Variants in MCEE observed in about 807,000 individuals in gnomAD.
MCEE encodes methylmalonyl-CoA epimerase, mitochondrial.
In MCEE, 6 loss-of-function variants were observed where a neutral mutation model predicts 12.9. The ratio of observed to expected loss-of-function variants is 0.47; its 90% CI spans 0.26 to 0.92. The LOEUF (loss-of-function observed/expected upper bound fraction) is 0.92. Ranked by LOEUF, MCEE falls within the 40% of genes least tolerant of loss-of-function variation. The probability of loss-of-function intolerance (pLI) is 0.16; values close to 1 mark genes in which losing one functional copy is unlikely to be tolerated. For synonymous variants in MCEE, 78 were observed against 77.9 expected, an observed-to-expected ratio of 1.00 and a Z score of -0.01; for missense variants, 214 against 212.1, an observed-to-expected ratio of 1.01 and a Z score of -0.05.
At chr2:71,121,549 T>C (rs11884276) in intron 2 of MCEE, among the ~76,000 whole-genome samples, 1,953 of 152,292 alleles carry the variant, frequency 0.013, 42 homozygotes, top group African/African-American at 0.042. Flanking sequence ...CCAATACATT[T>C]GCATGTCCCC....
Position 71,130,206 on chromosome 2 carries a change from A to G in MCEE, c.14T>C (p.Leu5Pro). MARV[L>P]KAAAANAVGL... ...TACGGCATTCGCGGCTGCAGCCTTC[A>G]GCACCCGCGCCATTTTGGAAAGCAA... The change falls in exon 1 of 3, where the codon CTG becomes CCG. Residue 5 changes from leucine (L) to proline (P), a missense_variant. Leu to Pro is a moderately conservative substitution (Grantham distance 98, BLOSUM62 -3). Transcript: ENST00000244217. 6.2e-7 allele frequency: 1 copy of G among 1,607,464 alleles called. No homozygotes were observed. Among genetic ancestry groups the G allele is most frequent in the Non-Finnish European group, 8.5e-7 (1 of 1,177,908 alleles).
intron 1 of MCEE, among the ~76,000 whole-genome samples, chr2:71,126,468 C>T (rs1177901469): frequency 2.6e-5 from 4 of 151,534 alleles, no homozygotes; most frequent in East Asian, 1.9e-4. Flanking sequence ...CCTCGTGATC[C>T]GCCCACCTCG....
intron 2 of MCEE, among the ~76,000 whole-genome samples, chr2:71,120,186 T>A (rs1010882276): frequency 6.0e-5 from 9 of 150,240 alleles, no homozygotes; most frequent in Admixed American, 5.3e-4. Context: ...TTTAAATATT[T>A]TTACAAACTC....
chr2:71,120,738 ATT>A (rs56309920), intron 2 of MCEE, among the ~76,000 whole-genome samples: 42,951 of 144,832 alleles, frequency 0.3, 8,485 homozygotes, highest in East Asian at 0.66. Flanking sequence ...GTGGTTCAAC[ATT>A]TTTTTTTTTT....
chr2:71,123,296 A>G (rs533739007), intron 2 of MCEE, among the ~76,000 whole-genome samples: 15 of 152,324 alleles, frequency 9.8e-5, no homozygotes, highest in African/African-American at 3.4e-4. Context: ...GTTTGAGACC[A>G]GCCTGACCAA....
At chr2:71,126,806 G>A (rs1049882605) in intron 1 of MCEE, among the ~76,000 whole-genome samples, 10 of 151,978 alleles carry the variant, frequency 6.6e-5, no homozygotes, top group East Asian at 3.8e-4. Context: ...TAATAGAAAC[G>A]GTGTATCTTT....
In MCEE at chr2:71,116,129, G is replaced by A. The variant is rs1325629364; in HGVS notation, c.379-6007C>T. Among the ~76,000 whole-genome samples, 3 of 149,898 alleles carry A rather than the reference G, an allele frequency of 2.0e-5. 1 individual carries two copies. The highest frequency in any genetic ancestry group is 7.6e-5 in the African/African-American group (3 of 39,346). ...GGAGTCTTGCTCTGTGGCCCAGGCT[G>A]GAGTGCAGTGGTGCAATCTCAGCTC... On this transcript the variant is annotated intron_variant, in intron 2 of 2. Transcript: ENST00000244217.
At chr2:71,115,828 G>T (rs1485800107) in intron 2 of MCEE, among the ~76,000 whole-genome samples, 1 of 116,360 alleles carries the variant, frequency 8.6e-6, no homozygotes, top group African/African-American at 3.5e-5. Context: ...GTGGGGGAAA[G>T]GGGGGGATAA....
chr2:71,129,027 CCA>C (rs147137564), intron 1 of MCEE, among the ~76,000 whole-genome samples: 6,130 of 147,846 alleles, frequency 0.041, 380 homozygotes, highest in African/African-American at 0.13. Flanking sequence ...GTATATTCAA[CCA>C]CACACACACA....
At chr2:71,121,629 A>C (rs1387130796) in intron 2 of MCEE, among the ~76,000 whole-genome samples, 1 of 151,540 alleles carries the variant, frequency 6.6e-6, no homozygotes, top group Non-Finnish European at 1.5e-5. Flanking sequence ...GAACTAAATC[A>C]CATAGCTGAA....
In MCEE at chr2:71,109,822, T is replaced by G; in HGVS notation, c.*148A>C. On this transcript the variant is annotated 3_prime_UTR_variant, in exon 3 of 3. Transcript: ENST00000244217. ...ATATACATATTTATGTATTTATATA[T>G]GTATATATTTTAATCTTTCTGTAAT... 3.4e-6 allele frequency: 2 copies of G among 586,166 alleles called. No individual in the cohort carries two copies. 36.3% of individuals were successfully genotyped at this position (586,166 alleles called of 1,614,324 possible).
intron 1 of MCEE, among the ~76,000 whole-genome samples, chr2:71,128,278 G>C (rs1673281108): frequency 6.6e-6 from 1 of 152,018 alleles, no homozygotes; most frequent in African/African-American, 2.4e-5. Context: ...CTGTGCTTTT[G>C]TTTTTCGGCG....
At chr2:71,128,723 T>C (rs933904515) in intron 1 of MCEE, among the ~76,000 whole-genome samples, 5 of 152,124 alleles carry the variant, frequency 3.3e-5, no homozygotes, top group Admixed American at 2.0e-4. Flanking sequence ...AGAGACGGGC[T>C]CACGCCTGTA....
At chr2:71,118,866 C>T (rs894093809) in intron 2 of MCEE, among the ~76,000 whole-genome samples, 5 of 149,878 alleles carry the variant, frequency 3.3e-5, no homozygotes, top group Admixed American at 2.6e-4. Context: ...CTCCCTTGGG[C>T]ACAAACGCAC....
At chr2:71,119,644 G>A (rs565916504) in intron 2 of MCEE, among the ~76,000 whole-genome samples, 2 of 150,488 alleles carry the variant, frequency 1.3e-5, no homozygotes, top group African/African-American at 5.0e-5. Context: ...GGCAAGCTCT[G>A]GGTAGACAGG....
At chr2:71,125,200 TATATATA>T (rs1673193621) in intron 1 of MCEE, among the ~76,000 whole-genome samples, 1 of 57,420 alleles carries the variant, frequency 1.7e-5, no homozygotes, top group African/African-American at 8.1e-5. Flanking sequence ...TATATATATA[TATATATA>T]TATATTTTTT....
In MCEE at chr2:71,109,893, C is replaced by T; in HGVS notation, c.*77G>A. 1.4e-6 allele frequency: 2 copies of T among 1,443,700 alleles called. No individual in the cohort carries two copies. Among genetic ancestry groups the T allele is most frequent in the Non-Finnish European group, 1.9e-6 (2 of 1,035,820 alleles). The allele number at this position is 1,443,700 out of a possible 1,614,324, so 89.4% of individuals were successfully genotyped here. On this transcript the variant is annotated 3_prime_UTR_variant, in exon 3 of 3. Coordinates refer to ENST00000244217, the MANE Select transcript of MCEE (RefSeq NM_032601.4). ...TTTACATGATGGAAGCAGTGAAGGA[C>T]TCAATGTCATAGTACATTTTGATAG...
chr2:71,125,207 A>ATTTTTTTTTTTTT (rs1217307224), intron 1 of MCEE, among the ~76,000 whole-genome samples: 1 of 46,602 alleles, frequency 2.1e-5, no homozygotes, highest in African/African-American at 6.2e-5. Flanking sequence ...ATATATATAT[A>ATTTTTTTTTTTTT]TATATTTTTT....
intron 2 of MCEE, among the ~76,000 whole-genome samples, chr2:71,115,088 A>G (rs897950465): frequency 6.6e-6 from 1 of 152,206 alleles, no homozygotes; most frequent in Non-Finnish European, 1.5e-5. Context: ...AATTACTTCA[A>G]GCCTGGGCAC....
Sources: allele counts gnomAD v4.1 joint callset (sites outside exome capture counted in the v4.1 genomes callset), GRCh38; gene constraint gnomAD v4.1.1; transcripts MANE v1.5; gene names NCBI Gene and HGNC (gene_info 2026-07-23, HGNC 2026-07-21).